The following DGKD variants were observed in gnomAD, a reference collection of about 807,000 sequenced individuals.
DGKD encodes the protein DAG kinase delta.
Under a neutral mutation model 154.4 loss-of-function variants are expected in DGKD, and 68 were observed. That is an observed-to-expected ratio of 0.44 (90% CI 0.36 to 0.54). The LOEUF is 0.54. Ranked by LOEUF, DGKD falls within the 20% of genes least tolerant of loss-of-function variation. The probability of loss-of-function intolerance (pLI) is 0.00; values close to 1 mark genes in which losing one functional copy is unlikely to be tolerated. For synonymous variants in DGKD, 693 were observed against 638.0 expected (o/e 1.09, Z -1.30); for missense variants, 1,343 against 1,593.6 (o/e 0.84, Z 2.68).
At chr2:233,469,310 G>C in intron 29 of DGKD, 61 bp from the exon 30 acceptor site, 1 of 1,464,452 alleles carries the variant, frequency 6.8e-7, no homozygotes, top group African/African-American at 1.4e-5. Context: ...CAGGCCTGCT[G>C]TGGAGCCCTC....
chr2:233,463,474 CACGCATGTCCTCACTG>C (rs2063724945), intron 26 of DGKD, among the ~76,000 whole-genome samples: 1 of 111,778 alleles, frequency 8.9e-6, no homozygotes, highest in Admixed American at 8.9e-5. Flanking sequence ...GTCCTCACTG[CACGCATGTCCTCACTG>C]CACGCATGTC....
chr2:233,391,490 A>G (rs1703615246), intron 3 of DGKD, among the ~76,000 whole-genome samples: 1 of 152,126 alleles, frequency 6.6e-6, no homozygotes, highest in African/African-American at 2.4e-5. Context: ...TAATGGCTAT[A>G]GTAGCATTTT....
chr2:233,431,778 G>T (rs1221494805), intron 3 of DGKD, among the ~76,000 whole-genome samples: 1 of 152,328 alleles, frequency 6.6e-6, no homozygotes, highest in Non-Finnish European at 1.5e-5. Context: ...ATATGCAGAA[G>T]AATGAAACTA....
chr2:233,449,295 T>C lies in DGKD; in HGVS notation c.1807T>C (p.Phe603Leu), dbSNP rs762856357. Reference sequence around the variant, plus strand: ...AGCTTGCCCGGCCCGGCCGCAGATATTCCGGCCTCGAGAACAGCTCATGCT... The same window carrying C: ...AGCTTGCCCGGCCCGGCCGCAGATACTCCGGCCTCGAGAACAGCTCATGCT... ...ASACPARPQI[F>L]RPREQLMLRA... Residue 603 changes from phenylalanine (F) to leucine (L), a missense_variant, in exon 15 of 30, where the codon TTC becomes CTC. By Grantham distance (22) the Phe-to-Leu change is conservative. Transcript: ENST00000264057. The surrounding 1 kb of genome is among the most constrained non-coding windows in gnomAD (Gnocchi z 5.3). 1 of 1,613,346 alleles carries C rather than the reference T, an allele frequency of 6.2e-7. No individual in the cohort carries two copies. The highest frequency in any genetic ancestry group is 1.7e-5 in the Admixed American group (1 of 60,028).
At chr2:233,356,222 C>G (rs952411910) in intron 1 of DGKD, among the ~76,000 whole-genome samples, 1 of 152,196 alleles carries the variant, frequency 6.6e-6, no homozygotes, top group Admixed American at 6.5e-5. Context: ...GAGCTTTAGG[C>G]ACAACTGCGA....
chr2:233,406,083 T>C (rs1268299867), intron 3 of DGKD, among the ~76,000 whole-genome samples: 1 of 152,230 alleles, frequency 6.6e-6, no homozygotes, highest in African/African-American at 2.4e-5. Context: ...CAGCTCCTGG[T>C]AATTCCAGGC....
At chr2:233,446,112 T>C (rs2063061312) in intron 11 of DGKD, among the ~76,000 whole-genome samples, 1 of 152,094 alleles carries the variant, frequency 6.6e-6, no homozygotes, top group South Asian at 2.1e-4. Flanking sequence ...ACTTGAACAG[T>C]TTCATTTTCT....
intron 3 of DGKD, among the ~76,000 whole-genome samples, chr2:233,396,346 T>C (rs541137718): frequency 6.6e-6 from 1 of 152,370 alleles, no homozygotes; most frequent in African/African-American, 2.4e-5. Flanking sequence ...TTCTGGTTCA[T>C]GTGCTTTGTC....
intron 3 of DGKD, among the ~76,000 whole-genome samples, chr2:233,393,733 G>A (rs542329633): frequency 6.6e-6 from 1 of 150,882 alleles, no homozygotes; most frequent in South Asian, 2.1e-4. Context: ...GCCCAGGGGG[G>A]AGTGTAGTGG....
At chr2:233,468,602 G>A (rs1416599128) in intron 29 of DGKD, 49 bp downstream of exon 29, 2 of 1,607,948 alleles carry the variant, frequency 1.2e-6, no homozygotes, top group African/African-American at 1.3e-5. Context: ...CTTGCACGCA[G>A]CTCCCTTCTC....
chr2:233,388,071 G>A (rs1156744863), intron 1 of DGKD, 186 bp from the exon 2 acceptor site: 8 of 1,361,998 alleles, frequency 5.9e-6, no homozygotes, highest in African/African-American at 4.4e-5. Flanking sequence ...GACAGGATTG[G>A]TGCAACCCCC....
In DGKD at chr2:233,459,473, G is replaced by A. The variant is rs2063555574; in HGVS notation, c.2695-284G>A. Among the ~76,000 whole-genome samples, 1 of 152,018 alleles carries A rather than the reference G, an allele frequency of 6.6e-6. No individual in the cohort carries two copies. The highest frequency in any genetic ancestry group is 1.5e-5 in the Non-Finnish European group (1 of 67,992). ...TGGGAGCTACAACACCCCTGCCCCT[G>A]GGTTCTGACACCTGTTGTCTCAGCA... On this transcript the variant is annotated intron_variant, in intron 22 of 29. Coordinates refer to ENST00000264057, the MANE Select transcript of DGKD (RefSeq NM_152879.3). This position sits in a 1 kb window ranked among gnomAD's most constrained non-coding sequence, Gnocchi z 5.7.
At chr2:233,392,171 T>G (rs141791679) in intron 3 of DGKD, 45 of 152,236 alleles carry the variant, frequency 3.0e-4, no homozygotes, top group African/African-American at 9.2e-4. Context: ...ATTATAGTCG[T>G]GCACCGTTAT....
chr2:233,465,926 T>C lies in DGKD; in HGVS notation c.3307-1160T>C, dbSNP rs76441122. Among the ~76,000 whole-genome samples the C allele has an allele frequency of 7.0e-3, 1,060 of 151,864 alleles. 10 individuals carry two copies. Among genetic ancestry groups the C allele is most frequent in the African/African-American group, 0.024 (987 of 41,416 alleles). ...CACCATAAAAAATCCAAAGTAACAATATAAAAATAAAATTGCATATGTAAG... is the reference window on the plus strand; with the variant it reads ...CACCATAAAAAATCCAAAGTAACAACATAAAAATAAAATTGCATATGTAAG... On this transcript the variant is annotated intron_variant, in intron 27 of 29. Transcript: ENST00000264057.
chr2:233,391,556 A>G (rs898665388), intron 3 of DGKD, among the ~76,000 whole-genome samples: 5 of 152,236 alleles, frequency 3.3e-5, no homozygotes, highest in African/African-American at 1.2e-4. Context: ...CTGCCTGTGT[A>G]AGGTTTGACT....
chr2:233,442,556 T>G (rs2062932043), intron 10 of DGKD: 1 of 190,806 alleles, frequency 5.2e-6, no homozygotes, highest in Non-Finnish European at 1.1e-5. Context: ...CAATGCACAG[T>G]GCACTTGTAA....
intron 3 of DGKD, among the ~76,000 whole-genome samples, chr2:233,430,924 T>A (rs1219130907): frequency 6.6e-6 from 1 of 152,216 alleles, no homozygotes; most frequent in Non-Finnish European, 1.5e-5. Flanking sequence ...AGCAGCTTTT[T>A]ACTTGCTTAT....
intron 28 of DGKD, among the ~76,000 whole-genome samples, chr2:233,467,421 C>T (rs542701609): frequency 1.3e-5 from 2 of 152,316 alleles, no homozygotes; most frequent in Admixed American, 1.3e-4. Context: ...CCCTGACGTG[C>T]TCTCTGGCTT....
Position 233,449,492 on chromosome 2 carries a change from CCT to C in DGKD, c.1888+120_1888+121del, listed in dbSNP as rs2063198473. ...ATGTTGAGAAAACCTCCACTGCGGC[CCT>C]CTCCACCCATGTCCAGGCACCAGAC... On this transcript the variant is annotated intron_variant, in intron 15 of 29. Transcript: ENST00000264057. The surrounding 1 kb of genome is among the most constrained non-coding windows in gnomAD (Gnocchi z 5.3). 1.5e-6 allele frequency: 2 copies of C among 1,374,598 alleles called. No individual in the cohort carries two copies. The highest frequency in any genetic ancestry group is 2.9e-5 in the African/African-American group (2 of 68,642). 85.2% of individuals were successfully genotyped at this position (1,374,598 alleles called of 1,614,324 possible). A position where few individuals can be genotyped will look rare whatever the true frequency, so the allele number is the denominator to read the frequency against.
Sources: gnomAD v4.1 joint callset for allele counts (sites outside exome capture counted in the v4.1 genomes callset) on GRCh38, gnomAD v4.1.1 for gene constraint, Gnocchi (gnomAD v3.1) non-coding constraint, MANE v1.5 for transcripts, NCBI Gene and HGNC (gene_info 2026-07-23, HGNC 2026-07-21) for gene names.